The following GPHN variants were observed in gnomAD, a reference collection of about 807,000 sequenced individuals.
GPHN encodes gephyrin.
GPHN carries 17 observed loss-of-function variants against 95.5 expected under a neutral mutation model. The ratio of observed to expected loss-of-function variants is 0.18; its 90% CI spans 0.12 to 0.27. GPHN has a LOEUF of 0.27. GPHN is among the 10% of genes least tolerant of loss of function. The pLI is 1.00. For synonymous variants in GPHN, 320 were observed against 322.5 expected (o/e 0.99, Z 0.08); for missense variants, 660 against 978.1 (o/e 0.67, Z 4.34).
intron 8 of GPHN, among the ~76,000 whole-genome samples, chr14:66,941,171 C>T (rs530871379): frequency 5.3e-5 from 8 of 152,000 alleles, no homozygotes; most frequent in Non-Finnish European, 1.0e-4. Context: ...TAGGTTACAA[C>T]TTAAAAACAA....
chr14:66,867,424 G>T (rs948755444), intron 4 of GPHN, among the ~76,000 whole-genome samples: 2 of 152,044 alleles, frequency 1.3e-5, no homozygotes, highest in South Asian at 4.1e-4. Context: ...TCTTACTTCC[G>T]TTCTGCTCTG....
intron 1 of GPHN, among the ~76,000 whole-genome samples, chr14:66,599,392 A>ATTTCTTTTTTTTTTT (rs1555357374): frequency 7.8e-5 from 6 of 76,496 alleles, no homozygotes; most frequent in Admixed American, 1.4e-4. Context: ...TTTTTTTTGC[A>ATTTCTTTTTTTTTTT]TTTTTTTTTT....
chr14:67,089,177 C>A, intron 12 of GPHN, 102 bp downstream of exon 12: 1 of 607,198 alleles, frequency 1.6e-6, no homozygotes. Context: ...TGGCTTAGCC[C>A]AAGCACCCAG....
intron 2 of GPHN, among the ~76,000 whole-genome samples, chr14:66,736,947 T>C (rs1392837103): frequency 6.6e-6 from 1 of 152,154 alleles, no homozygotes; most frequent in Admixed American, 6.5e-5. Flanking sequence ...TTTATGAATT[T>C]TCCTTTCATC....
chr14:67,246,797 G>A, the GPHN span, among the ~76,000 whole-genome samples: 7 of 151,756 alleles, frequency 4.6e-5, no homozygotes, highest in South Asian at 4.2e-4. Flanking sequence ...GATTATAAGC[G>A]CGCACCACCA....
chr14:67,499,959 G>A, the GPHN span, among the ~76,000 whole-genome samples: 1 of 152,134 alleles, frequency 6.6e-6, no homozygotes, highest in African/African-American at 2.4e-5. Flanking sequence ...CCAGTGGAAG[G>A]TCCAGAAACA....
intron 1 of GPHN, among the ~76,000 whole-genome samples, chr14:66,676,682 T>TTTTTTTTTTTTTTTTTTTTTTTTG (rs2066608481): frequency 6.6e-6 from 1 of 151,490 alleles, no homozygotes; most frequent in Non-Finnish European, 1.5e-5. Context: ...ATTTTTTTTT[T>TTTTTTTTTTTTTTTTTTTTTTTTG]TTTTTTGATG....
intron 20 of GPHN, among the ~76,000 whole-genome samples, chr14:67,167,005 T>C (rs916837672): frequency 1.6e-4 from 24 of 152,234 alleles, no homozygotes; most frequent in Non-Finnish European, 1.5e-4. Flanking sequence ...GTATTTCTGC[T>C]TTCCTGTAGG....
chr14:67,298,410 G>A, the GPHN span, among the ~76,000 whole-genome samples: 2 of 151,732 alleles, frequency 1.3e-5, no homozygotes, highest in African/African-American at 4.8e-5. Context: ...AGCTACTCAG[G>A]AGTCTGAGGC....
chr14:66,691,329 C>A (rs1033535407), intron 2 of GPHN, among the ~76,000 whole-genome samples: 2 of 151,902 alleles, frequency 1.3e-5, no homozygotes, highest in African/African-American at 4.8e-5. Context: ...GGATTACAGG[C>A]ACTCCCCACC....
chr14:66,712,185 G>A (rs1171965660), intron 2 of GPHN, among the ~76,000 whole-genome samples: 1 of 152,134 alleles, frequency 6.6e-6, no homozygotes, highest in Non-Finnish European at 1.5e-5. Flanking sequence ...CACAATGGTT[G>A]AACTAATTTA....
chr14:67,682,414 A>G, the GPHN span, among the ~76,000 whole-genome samples: 1 of 152,252 alleles, frequency 6.6e-6, no homozygotes, highest in African/African-American at 2.4e-5. Flanking sequence ...TCAACAATAA[A>G]AAGACAATTA....
At chr14:67,585,352 A>G in the GPHN span, 3 of 540,296 alleles carry the variant, frequency 5.6e-6, no homozygotes, top group Non-Finnish European at 3.3e-6. Flanking sequence ...GATGGTTAGT[A>G]GGTGGCCAGA....
At chr14:67,472,069 G>C in the GPHN span, 2 of 152,300 alleles carry the variant, frequency 1.3e-5, no homozygotes, top group Non-Finnish European at 2.9e-5. Context: ...CAATGCCCAT[G>C]AGTGTGGCAG....
the GPHN span, chr14:67,225,068 C>T: frequency 0.07 from 104,462 of 1,496,200 alleles, 11,905 homozygotes; most frequent in East Asian, 0.41. Flanking sequence ...CACTTCCTCT[C>T]TATTGATCTC....
chr14:66,766,032 G>C (rs2058951182), intron 2 of GPHN, among the ~76,000 whole-genome samples: 1 of 152,126 alleles, frequency 6.6e-6, no homozygotes, highest in Admixed American at 6.6e-5. Context: ...AGCAGGACTT[G>C]AGGGATAATG....
intron 2 of GPHN, among the ~76,000 whole-genome samples, chr14:66,716,954 C>T (rs534477404): frequency 4.6e-5 from 7 of 152,134 alleles, no homozygotes; most frequent in Non-Finnish European, 1.0e-4. Context: ...TTCTTTCCTT[C>T]GTCTTAACTT....
intron 1 of GPHN, among the ~76,000 whole-genome samples, chr14:66,655,565 C>T (rs1005063386): frequency 6.6e-6 from 1 of 151,970 alleles, no homozygotes; most frequent in African/African-American, 2.4e-5. Flanking sequence ...TTATCTCCTT[C>T]TTTCCAGTCT....
rs540609652 is a variant in GPHN, at chr14:66,969,281, A to C, written c.963+3956A>C. 11 of 152,304 alleles carry C rather than the reference A, an allele frequency of 7.2e-5. No individual in the cohort carries two copies. The East Asian group carries it at 2.1e-3, about 29-fold the overall frequency. The allele number at this position is 152,304 out of a possible 1,614,324, so 9.4% of individuals were successfully genotyped here. On this transcript the variant is annotated intron_variant, in intron 9 of 22. Coordinates refer to ENST00000478722, the MANE Select transcript of GPHN (RefSeq NM_020806.5). ...AACAAAGTTGGGATATTTGACTTTC[A>C]TTGTCCTGAGTAAAATAGTGCCTAA...
Sources: allele counts gnomAD v4.1 joint callset (sites outside exome capture counted in the v4.1 genomes callset), GRCh38; gene constraint gnomAD v4.1.1; transcripts MANE v1.5; gene names NCBI Gene and HGNC (gene_info 2026-07-23, HGNC 2026-07-21).